PTK2: variants seen among roughly 807,000 people sequenced by gnomAD.
PTK2 encodes focal adhesion kinase 1.
In PTK2, 45 loss-of-function variants were observed where a neutral mutation model predicts 150.1. The ratio of observed to expected loss-of-function variants is 0.30; its 90% CI spans 0.24 to 0.38. The LOEUF is 0.38. PTK2 is among the 10% of genes least tolerant of loss of function. The pLI is 1.00. For missense variants in PTK2, 919 were observed against 1,307.3 expected (o/e 0.70, Z 4.58); for synonymous variants, 432 against 449.2 (o/e 0.96, Z 0.48).
chr8:140,886,429 T>C lies in PTK2; in HGVS notation c.195+4114A>G, dbSNP rs146576218. ...TAGCACTAAGGTTGCAAATCTAGAA[T>C]GTAACCAATCACAGGATGGCGACAG... is the stretch of plus-strand genomic sequence containing the variant. On this transcript the variant is annotated intron_variant, in intron 3 of 31. Transcript: ENST00000522684. Among the ~76,000 whole-genome samples the C allele has an allele frequency of 5.4e-3, 819 of 152,258 alleles. 1 individual carries two copies. Among genetic ancestry groups the C allele is most frequent in the Middle Eastern group, 0.02 (6 of 294 alleles).
chr8:140,811,528 G>A (rs549301747), intron 10 of PTK2, among the ~76,000 whole-genome samples: 17 of 152,262 alleles, frequency 1.1e-4, no homozygotes, highest in African/African-American at 3.4e-4. Flanking sequence ...CTAAATGACC[G>A]CACCACCTCT....
At chr8:140,781,434 G>A (rs139895774) in intron 14 of PTK2, among the ~76,000 whole-genome samples, 319 of 152,146 alleles carry the variant, frequency 2.1e-3, no homozygotes, top group African/African-American at 7.5e-3. Flanking sequence ...ATACATTTTT[G>A]TTTCTAATAC....
intron 8 of PTK2, among the ~76,000 whole-genome samples, chr8:140,827,685 C>A (rs1392907550): frequency 6.6e-6 from 1 of 152,064 alleles, no homozygotes; most frequent in Non-Finnish European, 1.5e-5. Context: ...AAAGTGTCTC[C>A]CCTTATTTTA....
intron 2 of PTK2, among the ~76,000 whole-genome samples, chr8:140,905,135 C>T (rs539433433): frequency 6.6e-6 from 1 of 152,208 alleles, no homozygotes; most frequent in South Asian, 2.1e-4. Flanking sequence ...ACATTTAGTG[C>T]TATAAATTTC....
At position 140,829,236 on chromosome 8, in the gene PTK2, T is replaced by A. The variant is rs558569259; in HGVS notation, c.648+1236A>T. 3.9e-5 allele frequency among the ~76,000 whole-genome samples: 6 copies of A among 152,292 alleles called. No homozygotes were observed. In the East Asian group the frequency reaches 1.2e-3, roughly 29 times the overall value. ...GTGTTTTAAAGCCAACACCTTTATA[T>A]CTATTTTTCCCATTAGATTATCAAG... is the stretch of plus-strand genomic sequence containing the variant. On this transcript the variant is annotated intron_variant, in intron 8 of 31. Coordinates refer to ENST00000522684, the Ensembl canonical transcript of PTK2.
At chr8:140,825,166 C>T (rs145532749) in intron 8 of PTK2, among the ~76,000 whole-genome samples, 5 of 152,110 alleles carry the variant, frequency 3.3e-5, no homozygotes, top group South Asian at 2.1e-4. Flanking sequence ...ATTAACAGCG[C>T]GTGAAGAGAG....
At chr8:140,861,214 T>C (rs956114315) in intron 5 of PTK2, among the ~76,000 whole-genome samples, 1 of 152,030 alleles carries the variant, frequency 6.6e-6, no homozygotes, top group African/African-American at 2.4e-5. Flanking sequence ...CGAGGCATCA[T>C]GGCACGCACC....
chr8:140,954,643 G>C (rs1388720245), intron 1 of PTK2: 1 of 151,908 alleles, frequency 6.6e-6, no homozygotes, highest in Non-Finnish European at 1.5e-5. Context: ...ACTACCTTTT[G>C]TTTATTTCTA....
chr8:140,864,412 C>G lies in PTK2; in HGVS notation c.363-13G>C. Reference sequence around the variant, plus strand: ...TCTCAATTCATATCTAAAAATAATTCACAAAACAGAACAATTAGAAATCAG... The same window carrying G: ...TCTCAATTCATATCTAAAAATAATTGACAAAACAGAACAATTAGAAATCAG... On this transcript the variant is annotated splice_polypyrimidine_tract_variant and intron_variant, in intron 4 of 31. Transcript: ENST00000522684. 1 of 1,447,848 alleles carries G rather than the reference C, an allele frequency of 6.9e-7. No individual in the cohort carries two copies. Among genetic ancestry groups the G allele is most frequent in the Non-Finnish European group, 9.6e-7 (1 of 1,042,902 alleles). The allele number at this position is 1,447,848 out of a possible 1,614,324, so 89.7% of individuals were successfully genotyped here. A position where few individuals can be genotyped will look rare whatever the true frequency, so the allele number is the denominator to read the frequency against.
intron 12 of PTK2, among the ~76,000 whole-genome samples, chr8:140,794,333 T>C (rs2100090329): frequency 6.6e-6 from 1 of 152,190 alleles, no homozygotes; most frequent in African/African-American, 2.4e-5. Flanking sequence ...CTTTGTATCG[T>C]GTCTGTGGGG....
intron 4 of PTK2, among the ~76,000 whole-genome samples, chr8:140,869,514 T>G (rs1408053681): frequency 6.6e-6 from 1 of 152,150 alleles, no homozygotes; most frequent in Non-Finnish European, 1.5e-5. Flanking sequence ...ATAAAGCCAC[T>G]TTTTTCTGAT....
intron 27 of PTK2, among the ~76,000 whole-genome samples, chr8:140,676,762 CT>C (rs2100014032): frequency 6.2e-5 from 2 of 32,404 alleles, no homozygotes; most frequent in African/African-American, 3.0e-4. Context: ...CCCGTCTCTA[CT>C]TTAAAAAAAA....
rs73373566 is a variant in PTK2 at position 140,859,032 on chromosome 8, G to A, written c.450+5280C>T. Among the ~76,000 whole-genome samples the A allele has an allele frequency of 4.2e-3, 639 of 152,206 alleles. 9 individuals carry two copies. Among genetic ancestry groups the A allele is most frequent in the African/African-American group, 0.015 (606 of 41,508 alleles). ...CACCTAGCTGAAAGCAACTAAAACCGCTGAACAAATTATTTTTTTAAAATC... is the reference window on the plus strand; with the variant it reads ...CACCTAGCTGAAAGCAACTAAAACCACTGAACAAATTATTTTTTTAAAATC... On this transcript the variant is annotated intron_variant, in intron 5 of 31. Coordinates refer to ENST00000522684, the Ensembl canonical transcript of PTK2.
intron 26 of PTK2, among the ~76,000 whole-genome samples, chr8:140,688,508 A>G (rs923836434): frequency 6.6e-6 from 1 of 151,940 alleles, no homozygotes; most frequent in Admixed American, 6.6e-5. Context: ...TGAGGCCAGG[A>G]TATCAAGACC....
intron 1 of PTK2, among the ~76,000 whole-genome samples, chr8:140,935,247 A>G (rs1416279496): frequency 6.6e-6 from 1 of 152,186 alleles, no homozygotes; most frequent in Admixed American, 6.5e-5. Context: ...AGGGCCCCAG[A>G]GCATATTATA....
At chr8:140,734,123 T>C (rs2154385214) in intron 22 of PTK2, among the ~76,000 whole-genome samples, 1 of 152,274 alleles carries the variant, frequency 6.6e-6, no homozygotes, top group South Asian at 2.1e-4. Context: ...CTTGAACATG[T>C]GGTGAGAAGG....
chr8:140,778,477 G>A (rs2100079682), intron 14 of PTK2, among the ~76,000 whole-genome samples: 1 of 152,216 alleles, frequency 6.6e-6, no homozygotes, highest in African/African-American at 2.4e-5. Context: ...CTAACTGGGT[G>A]AGGACAAGTC....
chr8:140,706,070 G>A (rs1315434565), intron 24 of PTK2, 49 bp downstream of exon 27: 1 of 1,454,840 alleles, frequency 6.9e-7, no homozygotes, highest in Non-Finnish European at 9.6e-7. Context: ...TACCCCAAAA[G>A]CGCTAAATAA....
chr8:140,675,573 C>T, intron 27 of PTK2, 74 bp from the exon 31 acceptor site: 1 of 1,109,644 alleles, frequency 9.0e-7, no homozygotes. Context: ...CCCACCCTGT[C>T]TATCCACCCC....
Sources: gnomAD v4.1 joint callset for allele counts (sites outside exome capture counted in the v4.1 genomes callset) on GRCh38, gnomAD v4.1.1 for gene constraint, MANE v1.5 for transcripts, NCBI Gene and HGNC (gene_info 2026-07-23, HGNC 2026-07-21) for gene names.